CLGN: variants seen among roughly 807,000 people sequenced by gnomAD.
The protein encoded by CLGN is testis tissue sperm-binding protein Li 79P.
Under a neutral mutation model 79.1 loss-of-function variants are expected in CLGN, and 62 were observed. That is an observed-to-expected ratio of 0.78 (90% CI 0.64 to 0.97). CLGN has a LOEUF of 0.97. CLGN is among the 50% of genes least tolerant of loss of function. The pLI, the probability that CLGN is intolerant of heterozygous loss-of-function variation, is 0.00. For synonymous variants in CLGN, 225 were observed against 224.7 expected, an observed-to-expected ratio of 1.00 and a Z score of -0.01; for missense variants, 647 against 715.5, an observed-to-expected ratio of 0.90 and a Z score of 1.09.
intron 1 of CLGN, 71 bp from the exon 2 acceptor site, chr4:140,413,158 T>C: frequency 8.2e-7 from 1 of 1,212,920 alleles, no homozygotes; most frequent in South Asian, 1.4e-5. Context: ...TATGTAGAAA[T>C]AAATAATTTC....
intron 5 of CLGN, among the ~76,000 whole-genome samples, chr4:140,402,604 G>A (rs989521421): frequency 6.6e-6 from 1 of 152,082 alleles, no homozygotes; most frequent in Non-Finnish European, 1.5e-5. Flanking sequence ...CTGGATTTCA[G>A]ACCTAAACAG....
chr4:140,425,429 GGTGTGTGTGT>G (rs754897067), intron 1 of CLGN, among the ~76,000 whole-genome samples: 11 of 116,948 alleles, frequency 9.4e-5, no homozygotes, highest in East Asian at 5.1e-4. Flanking sequence ...GAATCAATAG[GGTGTGTGTGT>G]GTGTGTGTGT....
intron 1 of CLGN, among the ~76,000 whole-genome samples, chr4:140,424,942 T>C (rs757924503): frequency 4.1e-4 from 62 of 152,212 alleles, no homozygotes; most frequent in Admixed American, 1.3e-3. Flanking sequence ...CTACTTTAAA[T>C]AATTACACCA....
At chr4:140,399,210 A>G (rs2567238) in intron 7 of CLGN, among the ~76,000 whole-genome samples, 170 bp from the exon 8 acceptor site, 9,795 of 152,244 alleles carry the variant, frequency 0.064, 393 homozygotes, top group African/African-American at 0.11. Flanking sequence ...CACTAGATAC[A>G]TTTCCTAAAG....
In CLGN at chr4:140,406,047, A is replaced by G. The variant is rs773655345; in HGVS notation, c.314T>C (p.Val105Ala). Residue 105 changes from valine (V) to alanine (A), a missense_variant, in exon 5 of 15, where the codon GTA (valine) becomes GCA (alanine). Transcript: ENST00000325617. ...WEIEELKENQ[V>A]PGDRGLVLKS... ...TAATACCAGTCCTCTGTCACCAGGT[A>G]CCTGGTTTTCTTTCAACTCTTCAAT... is the stretch of plus-strand genomic sequence containing the variant. 6.2e-7 allele frequency: 1 copy of G among 1,613,020 alleles called. No homozygotes were observed. The highest frequency in any genetic ancestry group is 8.5e-7 in the Non-Finnish European group (1 of 1,179,560).
chr4:140,408,722 A>G (rs1729153856), intron 4 of CLGN, among the ~76,000 whole-genome samples: 1 of 151,916 alleles, frequency 6.6e-6, no homozygotes, highest in South Asian at 2.1e-4. Flanking sequence ...CTGCTGGTGC[A>G]ATGTAAATTA....
chr4:140,421,520 A>G (rs997438992), intron 1 of CLGN, among the ~76,000 whole-genome samples: 3 of 151,964 alleles, frequency 2.0e-5, no homozygotes, highest in African/African-American at 7.2e-5. Context: ...GCGTAGTATC[A>G]TATTGTGGTT....
At chr4:140,398,170 C>A (rs908375358) in intron 8 of CLGN, among the ~76,000 whole-genome samples, 51 of 149,956 alleles carry the variant, frequency 3.4e-4, no homozygotes, top group African/African-American at 1.2e-3. Context: ...TGGAGCATTT[C>A]TTTTAGTACT....
At chr4:140,427,496 G>C (rs935773340) in intron 1 of CLGN, 41 bp downstream of exon 1, 1 of 152,366 alleles carries the variant, frequency 6.6e-6, no homozygotes, top group Non-Finnish European at 1.5e-5. Context: ...TGCGCGCAAA[G>C]GGCAGCGGGA....
At chr4:140,398,263 CTTTTTTTTTTTT>C (rs1162212217) in intron 8 of CLGN, among the ~76,000 whole-genome samples, 7 of 86,776 alleles carry the variant, frequency 8.1e-5, no homozygotes, top group African/African-American at 2.8e-4. Flanking sequence ...CAAACATACT[CTTTTTTTTTTTT>C]TTTTTTTTTT....
At chr4:140,397,539 A>G (rs1197022731) in intron 8 of CLGN, among the ~76,000 whole-genome samples, 1 of 151,876 alleles carries the variant, frequency 6.6e-6, no homozygotes, top group East Asian at 1.9e-4. Context: ...TTTATGTCAT[A>G]TTTGGAAAGT....
At chr4:140,407,757 G>A (rs930262886) in intron 4 of CLGN, among the ~76,000 whole-genome samples, 9 of 151,998 alleles carry the variant, frequency 5.9e-5, no homozygotes, top group East Asian at 1.9e-4. Flanking sequence ...TGATCATAGC[G>A]CCCAAAGCCA....
intron 1 of CLGN, among the ~76,000 whole-genome samples, chr4:140,427,145 A>G (rs987415934): frequency 1.3e-5 from 2 of 152,198 alleles, no homozygotes; most frequent in Non-Finnish European, 2.9e-5. Flanking sequence ...CGGGGCTGCA[A>G]TGGCAACCGC....
At position 140,413,081 on chromosome 4, in the gene CLGN, T is replaced by C. The variant is rs751881076; in HGVS notation, c.-3A>G. ...AGCCAAAAGGCTTGGAAATGCATAT[T>C]GATTATCTGTGAAATTAAAAGTAAT... On this transcript the variant is annotated 5_prime_UTR_variant, in exon 2 of 15. Transcript: ENST00000325617. The C allele has an allele frequency of 1.9e-6, 3 of 1,604,540 alleles. No homozygotes were observed. In the African/African-American group the frequency reaches 4.0e-5, roughly 22 times the overall value.
At chr4:140,415,191 C>T (rs1265280087) in intron 1 of CLGN, among the ~76,000 whole-genome samples, 1 of 152,112 alleles carries the variant, frequency 6.6e-6, no homozygotes, top group East Asian at 1.9e-4. Context: ...ACAAGAGCTC[C>T]TGAAGGAAGC....
rs1320418722 is a variant in CLGN, at chr4:140,394,028, G to T, written c.1163C>A (p.Pro388His). Residue 388 changes from proline to histidine, a missense_variant, in exon 11 of 15, where the codon CCT becomes CAT. By Grantham distance (77) the Pro-to-His change is moderately conservative. Coordinates refer to ENST00000325617, the MANE Select transcript of CLGN (RefSeq NM_004362.3). ...ATAATCTGGATTAGGAATTTTTCGA[G>T]GACTCCAGATTCCCTGGAAGAAAAG... ...DNPNYQGIWS[P>H]RKIPNPDYFE... is the part of the protein sequence containing the mutation. The T allele has an allele frequency of 2.5e-6, 4 of 1,611,670 alleles. No homozygotes were observed. In the Admixed American group the frequency reaches 5.0e-5, roughly 20 times the overall value.
At chr4:140,403,368 C>G (rs1186850456) in intron 5 of CLGN, among the ~76,000 whole-genome samples, 1 of 152,150 alleles carries the variant, frequency 6.6e-6, no homozygotes, top group Non-Finnish European at 1.5e-5. Flanking sequence ...AATACATGCT[C>G]AAAATGCTTC....
chr4:140,404,314 T>C (rs183952466), intron 5 of CLGN, among the ~76,000 whole-genome samples: 57 of 152,200 alleles, frequency 3.7e-4, no homozygotes, highest in Admixed American at 3.2e-3. Context: ...AGGATGGTCT[T>C]GATCTCCTGA....
rs552803765 is a variant in CLGN, at chr4:140,418,869, C to T, written c.-9-5782G>A. Among the ~76,000 whole-genome samples, 9 of 152,226 alleles carry T rather than the reference C, an allele frequency of 5.9e-5. No individual in the cohort carries two copies. In the East Asian group the frequency reaches 1.4e-3, roughly 23 times the overall value. On this transcript the variant is annotated intron_variant, in intron 1 of 14. Coordinates refer to ENST00000325617, the MANE Select transcript of CLGN (RefSeq NM_004362.3). ...CATTACTGGGTATATACCCAAAGGACTCTAAATCATGCTGCTATAAAGACT... is the reference window on the plus strand; with the variant it reads ...CATTACTGGGTATATACCCAAAGGATTCTAAATCATGCTGCTATAAAGACT...
Sources: gnomAD v4.1 joint callset for allele counts (sites outside exome capture counted in the v4.1 genomes callset) on GRCh38, gnomAD v4.1.1 for gene constraint, MANE v1.5 for transcripts, NCBI Gene and HGNC (gene_info 2026-07-23, HGNC 2026-07-21) for gene names.